Variants in TANC2 observed in about 807,000 individuals in gnomAD.
TANC2 encodes the protein tetratricopeptide repeat, ankyrin repeat and coiled-coil containing 2.
TANC2 carries 26 observed loss-of-function variants against 210.5 expected under a neutral mutation model. That is an observed-to-expected ratio of 0.12 (90% CI 0.09 to 0.17). The LOEUF (loss-of-function observed/expected upper bound fraction) is 0.17, where lower values mean the gene tolerates loss of function less well. TANC2 is among the 10% of genes least tolerant of loss of function. TANC2 has a pLI of 1.00. For synonymous variants in TANC2, 931 were observed against 967.1 expected (o/e 0.96, Z 0.69); for missense variants, 2,129 against 2,608.9 (o/e 0.82, Z 4.01).
At chr17:63,243,620 A>C (rs2042837333) in intron 8 of TANC2, among the ~76,000 whole-genome samples, 1 of 152,226 alleles carries the variant, frequency 6.6e-6, no homozygotes, top group African/African-American at 2.4e-5. Context: ...TATAAAGTTC[A>C]TAGAAACAAA....
At chr17:63,205,372 A>AAAAAAAAAAAAAAAAC (rs1472135033) in intron 7 of TANC2, among the ~76,000 whole-genome samples, 10 of 131,810 alleles carry the variant, frequency 7.6e-5, no homozygotes, top group Non-Finnish European at 1.1e-4. Flanking sequence ...AAAAAAAAAA[A>AAAAAAAAAAAAAAAAC]CCTCATACAC....
chr17:63,147,185 T>A (rs1262055236), intron 4 of TANC2, among the ~76,000 whole-genome samples: 1 of 145,684 alleles, frequency 6.9e-6, no homozygotes, highest in Non-Finnish European at 1.5e-5. Context: ...AAAAAAGAAA[T>A]AACGAAAATT....
intron 8 of TANC2, among the ~76,000 whole-genome samples, chr17:63,243,983 G>A (rs1327084111): frequency 6.6e-6 from 1 of 151,962 alleles, no homozygotes; most frequent in Non-Finnish European, 1.5e-5. Context: ...TTAATATTAA[G>A]AAACAAAAAA....
chr17:63,138,286 G>A (rs1298777744), intron 4 of TANC2, among the ~76,000 whole-genome samples: 2 of 152,108 alleles, frequency 1.3e-5, no homozygotes, highest in African/African-American at 4.8e-5. Flanking sequence ...TATTGTATTG[G>A]GCTACTGAGA....
chr17:63,307,337 G>T (rs1200714108), intron 9 of TANC2, among the ~76,000 whole-genome samples: 1 of 152,058 alleles, frequency 6.6e-6, no homozygotes, highest in Non-Finnish European at 1.5e-5. Flanking sequence ...CCATTACTTT[G>T]TTAATTCTTA....
chr17:62,986,906 C>T (rs1449426127), intron 1 of TANC2, among the ~76,000 whole-genome samples: 1 of 152,110 alleles, frequency 6.6e-6, no homozygotes, highest in Non-Finnish European at 1.5e-5. Context: ...GGGATCATGT[C>T]TACCAGGAGT....
chr17:63,206,790 G>T (rs2041726778), intron 7 of TANC2, among the ~76,000 whole-genome samples: 1 of 152,144 alleles, frequency 6.6e-6, no homozygotes. Flanking sequence ...AAGTTCTAGA[G>T]ATGGATAATG....
chr17:63,107,823 G>A (rs1475492531), intron 4 of TANC2, among the ~76,000 whole-genome samples: 2 of 151,684 alleles, frequency 1.3e-5, no homozygotes, highest in African/African-American at 4.9e-5. Flanking sequence ...GGTCACCAAC[G>A]ATGGTATAGG....
At chr17:63,281,514 G>T (rs537681201) in intron 9 of TANC2, among the ~76,000 whole-genome samples, 3 of 152,006 alleles carry the variant, frequency 2.0e-5, no homozygotes, top group Non-Finnish European at 1.5e-5. Flanking sequence ...TATTATAACC[G>T]AAGAGAATTT....
At chr17:63,079,418 C>T (rs916148018) in intron 3 of TANC2, among the ~76,000 whole-genome samples, 2 of 152,090 alleles carry the variant, frequency 1.3e-5, no homozygotes, top group Non-Finnish European at 2.9e-5. Flanking sequence ...TTTTCTGAGT[C>T]TCAGATTGCT....
rs116632253 is a variant in TANC2, at chr17:62,985,763, A to G, written c.-24+19014A>G. 1.1e-3 allele frequency among the ~76,000 whole-genome samples: 162 copies of G among 152,254 alleles called. 1 individual carries two copies. The highest frequency in any genetic ancestry group is 3.9e-3 in the African/African-American group (161 of 41,540). ...GTTAAATTTCTCATTCAAGTTATCAATAATTTTTCTTATTTTGTTGAATTG... is the reference window on the plus strand; with the variant it reads ...GTTAAATTTCTCATTCAAGTTATCAGTAATTTTTCTTATTTTGTTGAATTG... On this transcript the variant is annotated intron_variant, in intron 1 of 27. Transcript: ENST00000689528.
intron 8 of TANC2, among the ~76,000 whole-genome samples, chr17:63,257,175 T>C (rs2043220293): frequency 6.6e-6 from 1 of 151,918 alleles, no homozygotes; most frequent in Admixed American, 6.6e-5. Flanking sequence ...AAAGACTTAC[T>C]CCTGCCATTT....
At chr17:63,318,868 G>A in intron 10 of TANC2, 89 bp from the exon 11 acceptor site, 1 of 1,454,770 alleles carries the variant, frequency 6.9e-7, no homozygotes, top group African/African-American at 1.4e-5. Context: ...GAGCAGAATT[G>A]TTAGATCATA....
chr17:62,966,557 C>T lies in TANC2; in HGVS notation c.-216C>T, dbSNP rs2031344425. Reference sequence around the variant, plus strand: ...CCCCGAGCCGCCGCTGACAGGAGCACCGCCGCGGGCTGCGCTCGCCGGCTG... The same window carrying T: ...CCCCGAGCCGCCGCTGACAGGAGCATCGCCGCGGGCTGCGCTCGCCGGCTG... On this transcript the variant is annotated 5_prime_UTR_variant, in exon 1 of 28. Coordinates refer to ENST00000689528, the Ensembl canonical transcript of TANC2. This position sits in a 1 kb window ranked among gnomAD's most constrained non-coding sequence, Gnocchi z 5.1. 6.6e-6 allele frequency among the ~76,000 whole-genome samples: 1 copy of T among 150,784 alleles called. No homozygotes were observed. Among genetic ancestry groups the T allele is most frequent in the African/African-American group, 2.4e-5 (1 of 41,284 alleles).
At chr17:63,323,406 T>C (rs1474786281) in intron 11 of TANC2, among the ~76,000 whole-genome samples, 1 of 152,246 alleles carries the variant, frequency 6.6e-6, no homozygotes, top group Non-Finnish European at 1.5e-5. Context: ...AGCAAAGATT[T>C]TGATAGGTTG....
At chr17:63,017,696 T>C (rs1376977391) in intron 2 of TANC2, among the ~76,000 whole-genome samples, 1 of 152,162 alleles carries the variant, frequency 6.6e-6, no homozygotes, top group East Asian at 1.9e-4. Context: ...ATGGAACGAG[T>C]GTGATACAAT....
intron 6 of TANC2, among the ~76,000 whole-genome samples, chr17:63,199,110 A>G (rs1263265342): frequency 6.6e-5 from 10 of 152,168 alleles, no homozygotes; most frequent in Non-Finnish European, 1.3e-4. Flanking sequence ...GACTGCATCT[A>G]GGAATCATCT....
chr17:63,418,423 G>A lies in TANC2; in HGVS notation c.4268+16G>A. The A allele has an allele frequency of 6.2e-7, 1 of 1,604,506 alleles. No homozygotes were observed. The highest frequency in any genetic ancestry group is 8.5e-7 in the Non-Finnish European group (1 of 1,175,296). On this transcript the variant is annotated intron_variant, in intron 27 of 27. Coordinates refer to ENST00000689528, the Ensembl canonical transcript of TANC2. This position sits in a 1 kb window ranked among gnomAD's most constrained non-coding sequence, Gnocchi z 4.6. ...GCAGCAGCAGGTGAGGAGAGAGAGA[G>A]AGGGTGAAAGCAAGAGGTCTCTTTT...
Position 63,137,696 on chromosome 17 carries a change from A to G in TANC2, c.323-13574A>G, listed in dbSNP as rs144775308. Reference sequence around the variant, plus strand: ...TTGCTTTGATTCTCTATACTATTCAATTAACAAATAATGATTAACCAGCTA... The same window carrying G: ...TTGCTTTGATTCTCTATACTATTCAGTTAACAAATAATGATTAACCAGCTA... On this transcript the variant is annotated intron_variant, in intron 4 of 27. Coordinates refer to ENST00000689528, the Ensembl canonical transcript of TANC2. 2.9e-3 allele frequency among the ~76,000 whole-genome samples: 436 copies of G among 152,332 alleles called. 1 individual carries two copies. The highest frequency in any genetic ancestry group is 0.01 in the African/African-American group (422 of 41,580).
Sources: allele counts gnomAD v4.1 joint callset (sites outside exome capture counted in the v4.1 genomes callset), GRCh38; gene constraint gnomAD v4.1.1; non-coding constraint Gnocchi (gnomAD v3.1); transcripts MANE v1.5; gene names NCBI Gene and HGNC (gene_info 2026-07-23, HGNC 2026-07-21).